The following RAP1GDS1 variants were observed in gnomAD, a reference collection of about 807,000 sequenced individuals.
RAP1GDS1 encodes RAP1, GTP-GDP dissociation stimulator 1.
Under a neutral mutation model 71.1 loss-of-function variants are expected in RAP1GDS1, and 35 were observed. That is an observed-to-expected ratio of 0.49 (90% CI 0.38 to 0.65). The LOEUF is 0.65. Among genes scored for constraint, RAP1GDS1 ranks in the 30% least tolerant of loss-of-function variants. RAP1GDS1 has a pLI of 0.00. For missense variants in RAP1GDS1, 663 were observed against 706.1 expected, an observed-to-expected ratio of 0.94 and a Z score of 0.69; for synonymous variants, 229 against 243.1, an observed-to-expected ratio of 0.94 and a Z score of 0.54.
chr4:98,408,843 C>G (rs1383242223), intron 7 of RAP1GDS1, among the ~76,000 whole-genome samples: 2 of 152,088 alleles, frequency 1.3e-5, no homozygotes, highest in Non-Finnish European at 2.9e-5. Flanking sequence ...AGTGTTCATT[C>G]ATTATTTTTA....
At chr4:98,278,478 C>G (rs1414931142) in intron 1 of RAP1GDS1, among the ~76,000 whole-genome samples, 1 of 151,918 alleles carries the variant, frequency 6.6e-6, no homozygotes, top group Non-Finnish European at 1.5e-5. Flanking sequence ...AAAATTTAAT[C>G]ATAAAAGTAG....
chr4:98,294,752 A>G (rs1578335133), intron 2 of RAP1GDS1, among the ~76,000 whole-genome samples: 2 of 152,120 alleles, frequency 1.3e-5, no homozygotes, highest in African/African-American at 4.8e-5. Context: ...AAATATTCCC[A>G]TGATCACAGA....
intron 1 of RAP1GDS1, 191 bp downstream of exon 1, chr4:98,261,760 A>C: frequency 1.5e-6 from 1 of 676,322 alleles, no homozygotes. Context: ...GAGGGTCCCG[A>C]GCGCGGGCTG....
At chr4:98,326,014 G>A (rs998514010) in intron 2 of RAP1GDS1, among the ~76,000 whole-genome samples, 1 of 151,972 alleles carries the variant, frequency 6.6e-6, no homozygotes, top group Non-Finnish European at 1.5e-5. Context: ...TACTCCTGAT[G>A]TCTTAAACAA....
intron 6 of RAP1GDS1, among the ~76,000 whole-genome samples, chr4:98,400,900 TG>T (rs1209084706): frequency 6.6e-6 from 1 of 152,214 alleles, no homozygotes; most frequent in Non-Finnish European, 1.5e-5. Flanking sequence ...TCCTATACTC[TG>T]TCATACTATC....
At chr4:98,345,103 GA>G (rs1272377045) in intron 3 of RAP1GDS1, among the ~76,000 whole-genome samples, 1 of 152,186 alleles carries the variant, frequency 6.6e-6, no homozygotes, top group Non-Finnish European at 1.5e-5. Flanking sequence ...AAAGGGCTGG[GA>G]TTACAGGCAT....
chr4:98,421,574 G>C lies in RAP1GDS1; in HGVS notation c.1440+180G>C, dbSNP rs113741600. 6.0e-3 allele frequency among the ~76,000 whole-genome samples: 916 copies of C among 152,234 alleles called. 12 individuals are homozygous for C. Among genetic ancestry groups the C allele is most frequent in the African/African-American group, 0.021 (852 of 41,530 alleles). Reference sequence around the variant, plus strand: ...GATATAGGAAACACTCGGTAAATGGGGGTTGCTGTTGTTGCTGCTGCTATT... The same window carrying C: ...GATATAGGAAACACTCGGTAAATGGCGGTTGCTGTTGTTGCTGCTGCTATT... On this transcript the variant is annotated intron_variant, in intron 12 of 14. Coordinates refer to ENST00000408927, the MANE Select transcript of RAP1GDS1 (RefSeq NM_001100427.2).
rs76422625 is a variant in RAP1GDS1, at chr4:98,353,029, T to G, written c.361+428T>G. On this transcript the variant is annotated intron_variant, in intron 4 of 14. Transcript: ENST00000408927. Reference sequence around the variant, plus strand: ...TCGGTAAAACCAATCATAAAAACCATTCTCTTCTCAAAAGCTAGATTGGCC... The same window carrying G: ...TCGGTAAAACCAATCATAAAAACCAGTCTCTTCTCAAAAGCTAGATTGGCC... Among the ~76,000 whole-genome samples, 1,207 of 152,298 alleles carry G rather than the reference T, an allele frequency of 7.9e-3. 16 individuals are homozygous for G. The highest frequency in any genetic ancestry group is 0.028 in the African/African-American group (1,156 of 41,562).
At position 98,352,433 on chromosome 4, in the gene RAP1GDS1, G is replaced by A. The variant is rs370756658; in HGVS notation, c.236-43G>A. 4.1e-5 allele frequency: 66 copies of A among 1,593,952 alleles called. No individual in the cohort carries two copies. The African/African-American group carries it at 7.9e-4, about 19-fold the overall frequency. On this transcript the variant is annotated intron_variant, in intron 3 of 14. Coordinates refer to ENST00000408927, the MANE Select transcript of RAP1GDS1 (RefSeq NM_001100427.2). ...TTAGGGGAGATGATTTATGTAAATT[G>A]TGAATCGTTAGATTTTTAATTAAAC...
chr4:98,422,765 C>T (rs1346649147), intron 12 of RAP1GDS1, among the ~76,000 whole-genome samples: 1 of 152,242 alleles, frequency 6.6e-6, no homozygotes, highest in Non-Finnish European at 1.5e-5. Context: ...GAGTGTTCTT[C>T]TCCATCAGAT....
At chr4:98,436,804 ATTATTTTTCTAGGTC>A in intron 13 of RAP1GDS1, 121 bp from the exon 14 acceptor site, 1 of 853,452 alleles carries the variant, frequency 1.2e-6, no homozygotes, top group Non-Finnish European at 1.6e-6. Flanking sequence ...TGAATTTAAT[ATTATTTTTCTAGGTC>A]ATTATTATTT....
rs1390085008 is a variant in RAP1GDS1 at position 98,414,780 on chromosome 4, G to C, written c.764-1965G>C. 3.7e-3 allele frequency among the ~76,000 whole-genome samples: 556 copies of C among 151,836 alleles called. 5 individuals carry two copies. Among genetic ancestry groups the C allele is most frequent in the African/African-American group, 0.013 (529 of 41,266 alleles). On this transcript the variant is annotated intron_variant, in intron 7 of 14. Coordinates refer to ENST00000408927, the MANE Select transcript of RAP1GDS1 (RefSeq NM_001100427.2). ...AGTCATTGGTAGCTTTATGGGGATGGCATTGAATCTGTAAATTACCTTGGG... is the reference window on the plus strand; with the variant it reads ...AGTCATTGGTAGCTTTATGGGGATGCCATTGAATCTGTAAATTACCTTGGG...
intron 4 of RAP1GDS1, among the ~76,000 whole-genome samples, chr4:98,358,412 TG>T (rs1738251459): frequency 6.6e-6 from 1 of 152,046 alleles, no homozygotes; most frequent in Non-Finnish European, 1.5e-5. Context: ...CCGAGTGTGT[TG>T]TTTTTTGGTG....
At position 98,293,435 on chromosome 4, in the gene RAP1GDS1, T is replaced by G; in HGVS notation, c.32T>G (p.Leu11Arg). 1.2e-6 allele frequency: 2 copies of G among 1,605,892 alleles called. No individual in the cohort carries two copies. Among genetic ancestry groups the G allele is most frequent in the Non-Finnish European group, 1.7e-6 (2 of 1,177,452 alleles). Residue 11 changes from leucine (L) to arginine (R), a missense_variant, in exon 2 of 15, where the codon CTG becomes CGG. Leu to Arg is a moderately radical substitution (Grantham distance 102, BLOSUM62 -2). Coordinates refer to ENST00000408927, the MANE Select transcript of RAP1GDS1 (RefSeq NM_001100427.2). MDNLSDTLKK[L>R]KITAVDKTED... ...AATCTCAGTGATACCTTGAAGAAGC[T>G]GAAGATAACAGCTGTTGACAAGACT...
chr4:98,356,697 T>C (rs1012399463), intron 4 of RAP1GDS1, among the ~76,000 whole-genome samples: 2 of 152,058 alleles, frequency 1.3e-5, no homozygotes, highest in African/African-American at 4.8e-5. Flanking sequence ...ACTGGTACTA[T>C]TATTGGAAAG....
At chr4:98,376,048 CTTTAGA>C (rs1213965018) in intron 4 of RAP1GDS1, among the ~76,000 whole-genome samples, 1 of 151,882 alleles carries the variant, frequency 6.6e-6, no homozygotes, top group East Asian at 1.9e-4. Context: ...TGCAGTAACT[CTTTAGA>C]TTTAAAGCCC....
At chr4:98,292,017 T>C (rs1002855941) in intron 1 of RAP1GDS1, among the ~76,000 whole-genome samples, 17 of 152,182 alleles carry the variant, frequency 1.1e-4, no homozygotes, top group African/African-American at 3.9e-4. Flanking sequence ...GAGACTAAAT[T>C]TTCTTCATCT....
rs548646889 is a variant in RAP1GDS1, at chr4:98,359,945, C to T, written c.361+7344C>T. On this transcript the variant is annotated intron_variant, in intron 4 of 14. Transcript: ENST00000408927. ...TTATTATCAGTTTGGCTGGTTTTTGCGTAGCACTGCACCAGGTTTATTTAA... is the reference window on the plus strand; with the variant it reads ...TTATTATCAGTTTGGCTGGTTTTTGTGTAGCACTGCACCAGGTTTATTTAA... Among the ~76,000 whole-genome samples, 170 of 152,250 alleles carry T rather than the reference C, an allele frequency of 1.1e-3. 1 individual carries two copies. The South Asian group carries it at 0.017, about 16-fold the overall frequency.
chr4:98,418,163 C>A (rs1467084144), intron 9 of RAP1GDS1, among the ~76,000 whole-genome samples: 8 of 152,212 alleles, frequency 5.3e-5, no homozygotes, highest in Non-Finnish European at 4.4e-5. Flanking sequence ...TTGGGAGTGA[C>A]TTCCTAATTA....
Sources: allele counts gnomAD v4.1 joint callset (sites outside exome capture counted in the v4.1 genomes callset), GRCh38; gene constraint gnomAD v4.1.1; transcripts MANE v1.5; gene names NCBI Gene and HGNC (gene_info 2026-07-23, HGNC 2026-07-21).